The following GSN variants were observed in gnomAD, a reference collection of about 807,000 sequenced individuals.
GSN encodes the protein gelsolin.
In GSN, 56 loss-of-function variants were observed where a neutral mutation model predicts 85.7. The observed-to-expected ratio is 0.65, with a 90% CI of 0.53 to 0.82. The LOEUF (loss-of-function observed/expected upper bound fraction) is 0.82. GSN is among the 40% of genes least tolerant of loss of function. The pLI is 0.00. For missense variants in GSN, 857 were observed against 979.8 expected, an observed-to-expected ratio of 0.87 and a Z score of 1.67; for synonymous variants, 373 against 399.1, an observed-to-expected ratio of 0.93 and a Z score of 0.78.
At position 121,313,928 on chromosome 9, in the gene GSN, C is replaced by G; in HGVS notation, c.664-6C>G. The G allele has an allele frequency of 6.2e-7, 1 of 1,611,324 alleles. No individual in the cohort carries two copies. Among genetic ancestry groups the G allele is most frequent in the Non-Finnish European group, 8.5e-7 (1 of 1,177,392 alleles). ...CCCTTCCTCTCCATCTCTCTATCTCCTACAGGTGCTGGGCCCCAAGCCGGC... is the reference window on the plus strand; with the variant it reads ...CCCTTCCTCTCCATCTCTCTATCTCGTACAGGTGCTGGGCCCCAAGCCGGC... On this transcript the variant is annotated splice_polypyrimidine_tract_variant and splice_region_variant and intron_variant, in intron 6 of 17. Transcript: ENST00000432226.
At position 121,317,148 on chromosome 9, in the gene GSN, G is replaced by C; in HGVS notation, c.816G>C (p.Gln272His). 54 of 1,613,898 alleles carry C rather than the reference G, an allele frequency of 3.3e-5. No individual in the cohort carries two copies. The highest frequency in any genetic ancestry group is 4.6e-5 in the Non-Finnish European group (54 of 1,179,770). Residue 272 changes from glutamine to histidine, a missense_variant, in exon 8 of 18, where the codon CAG (glutamine) becomes CAC (histidine). Coordinates refer to ENST00000432226, the MANE Select transcript of GSN (RefSeq NM_198252.3). The part of the protein sequence containing the change: ...SLVADENPFA[Q>H]GALKSEDCFI... ...TGGCTGATGAGAACCCCTTCGCCCA[G>C]GGGGCCCTGAAGTCAGAGGACTGCT...
chr9:121,312,918 T>A (rs2061336249), intron 6 of GSN: 1 of 162,434 alleles, frequency 6.2e-6, no homozygotes, highest in Non-Finnish European at 1.3e-5. Flanking sequence ...TGAGTCACCA[T>A]GCTGGCCCTG....
At chr9:121,277,492 A>G (rs1465193926) in intron 1 of GSN, among the ~76,000 whole-genome samples, 5 of 152,160 alleles carry the variant, frequency 3.3e-5, no homozygotes, top group African/African-American at 1.2e-4. Context: ...TACTTATGAG[A>G]TAAGGGACTT....
chr9:121,221,379 G>A (rs2054166760), intron 4 of GSN, among the ~76,000 whole-genome samples: 1 of 152,230 alleles, frequency 6.6e-6, no homozygotes, highest in South Asian at 2.1e-4. Context: ...GGTCTTAAGA[G>A]CAGCCCCAAT....
intron 2 of GSN, among the ~76,000 whole-genome samples, chr9:121,293,444 A>G: frequency 6.6e-6 from 1 of 151,690 alleles, no homozygotes; most frequent in Non-Finnish European, 1.5e-5. Flanking sequence ...ACATACACAC[A>G]TCATAAAATT....
In GSN at chr9:121,285,770, T is replaced by C. The variant is rs183157090; in HGVS notation, c.-10+4208T>C. 2.0e-4 allele frequency among the ~76,000 whole-genome samples: 30 copies of C among 152,108 alleles called. No homozygotes were observed. In the East Asian group the frequency reaches 5.0e-3, roughly 25 times the overall value. On this transcript the variant is annotated intron_variant, in intron 2 of 17. Transcript: ENST00000432226. The stretch of plus-strand genomic sequence containing the variant: ...CATGTCCCACCTCCCTAATTTACCT[T>C]TGGGGAAACTGGGGCCCAGAGAATG...
At chr9:121,239,304 C>T (rs1032651435) in intron 5 of GSN, 9 of 392,496 alleles carry the variant, frequency 2.3e-5, no homozygotes, top group Non-Finnish European at 2.5e-5. Context: ...TGGTTAGAAC[C>T]GGGTGAGGGA....
chr9:121,314,054 A>G lies in GSN; in HGVS notation c.753+31A>G, dbSNP rs200578389. The G allele has an allele frequency of 6.7e-5, 103 of 1,535,768 alleles. No individual in the cohort carries two copies. In the African/African-American group the frequency reaches 1.3e-3, roughly 19 times the overall value. ...CACCAGATGCACTGTCTGCCTGGGC[A>G]TGGGGTCAGGACAGGGAGGTGGAAG... On this transcript the variant is annotated intron_variant, in intron 7 of 17. Coordinates refer to ENST00000432226, the MANE Select transcript of GSN (RefSeq NM_198252.3).
At chr9:121,241,688 A>G (rs2054608563) in intron 5 of GSN, among the ~76,000 whole-genome samples, 1 of 152,258 alleles carries the variant, frequency 6.6e-6, no homozygotes, top group African/African-American at 2.4e-5. Context: ...TAAATAGGAA[A>G]AATCACAATG....
At chr9:121,286,880 C>G (rs555509527) in intron 2 of GSN, 6 of 824,000 alleles carry the variant, frequency 7.3e-6, no homozygotes, top group Non-Finnish European at 1.2e-5. Flanking sequence ...TTTGTTCCTC[C>G]GTCTATAAAA....
intron 6 of GSN, among the ~76,000 whole-genome samples, chr9:121,254,348 T>G (rs1008322981): frequency 5.3e-5 from 8 of 152,236 alleles, no homozygotes; most frequent in African/African-American, 1.9e-4. Flanking sequence ...TCTAAATGCC[T>G]TAGGCTTTAT....
chr9:121,287,529 G>T (rs1049065931), intron 2 of GSN, among the ~76,000 whole-genome samples: 2 of 152,024 alleles, frequency 1.3e-5, no homozygotes, highest in Non-Finnish European at 2.9e-5. Flanking sequence ...CTGCACACCT[G>T]GTCCACAGAG....
intron 4 of GSN, among the ~76,000 whole-genome samples, chr9:121,308,032 G>A (rs1182939114): frequency 2.6e-5 from 4 of 152,208 alleles, no homozygotes; most frequent in Admixed American, 6.5e-5. Context: ...ACTCCTTCCT[G>A]ATGATGGAAA....
At chr9:121,219,142 C>T (rs931573897) in intron 4 of GSN, among the ~76,000 whole-genome samples, 1 of 152,112 alleles carries the variant, frequency 6.6e-6, no homozygotes, top group African/African-American at 2.4e-5. Context: ...CTCCTCTGGC[C>T]GGGCAGTTCT....
chr9:121,288,974 T>C (rs989889414), intron 2 of GSN, among the ~76,000 whole-genome samples: 12 of 152,112 alleles, frequency 7.9e-5, no homozygotes, highest in Non-Finnish European at 1.6e-4. Context: ...TATGTGACAC[T>C]GGGCATGACA....
At chr9:121,285,218 A>ACGAT (rs1361069584) in intron 2 of GSN, 1 of 167,150 alleles carries the variant, frequency 6.0e-6, no homozygotes, top group Non-Finnish European at 1.5e-5. Context: ...CTGGTGTATA[A>ACGAT]CGATGGCTGT....
upstream of GSN, among the ~76,000 whole-genome samples, chr9:121,267,013 G>A (rs1030807360): frequency 6.6e-6 from 1 of 152,192 alleles, no homozygotes; most frequent in African/African-American, 2.4e-5. Context: ...GGCAATTACT[G>A]ACTCTAGTAC....
At chr9:121,319,313 A>G (rs1386191242) in intron 10 of GSN, among the ~76,000 whole-genome samples, 2 of 151,464 alleles carry the variant, frequency 1.3e-5, no homozygotes, top group Non-Finnish European at 3.0e-5. Context: ...GGGACTCGCT[A>G]TGTTCGGAAA....
At chr9:121,331,716 C>A in intron 17 of GSN, 1 of 390,648 alleles carries the variant, frequency 2.6e-6, no homozygotes, top group Non-Finnish European at 4.7e-6. Flanking sequence ...GAAGTCACTT[C>A]AAGTTCCCAG....
Sources: gnomAD v4.1 joint callset for allele counts (sites outside exome capture counted in the v4.1 genomes callset) on GRCh38, gnomAD v4.1.1 for gene constraint, MANE v1.5 for transcripts, NCBI Gene and HGNC (gene_info 2026-07-23, HGNC 2026-07-21) for gene names.